The following SMIM13 variants were observed in gnomAD, a reference collection of about 807,000 sequenced individuals.
SMIM13 encodes the protein UPF0766 protein C6orf228.
Under a neutral mutation model 5.9 loss-of-function variants are expected in SMIM13, and 3 were observed. The observed-to-expected ratio is 0.51, with a 90% CI of 0.23 to 1.31. The LOEUF is 1.31. SMIM13 is among the 40% of genes most tolerant of loss of function. SMIM13 has a pLI of 0.18. For missense variants in SMIM13, 85 were observed against 109.9 expected (o/e 0.77, Z 1.01); for synonymous variants, 55 against 46.0 (o/e 1.19, Z -0.79).
chr6:11,122,952 T>TA (rs1378072269), intron 1 of SMIM13, among the ~76,000 whole-genome samples: 2 of 152,114 alleles, frequency 1.3e-5, no homozygotes, highest in East Asian at 3.8e-4. Flanking sequence ...CTCACACCTG[T>TA]AATCCCAGCA....
In SMIM13 at chr6:11,135,325, G is replaced by C. The variant is rs933354304; in HGVS notation, c.*723G>C. 6.6e-6 allele frequency: 1 copy of C among 152,570 alleles called. No homozygotes were observed. The highest frequency in any genetic ancestry group is 2.4e-5 in the African/African-American group (1 of 41,426). 9.5% of individuals were successfully genotyped at this position (152,570 alleles called of 1,614,324 possible). ...GAAAGGTAGGTACCCACAAGTAGAT[G>C]AAGCTGTACTACGTTTCGTCAGTGA... On this transcript the variant is annotated 3_prime_UTR_variant, in exon 2 of 2. Coordinates refer to ENST00000416247, the MANE Select transcript of SMIM13 (RefSeq NM_001135575.2).
chr6:11,118,386 T>A (rs1217351863), intron 1 of SMIM13, among the ~76,000 whole-genome samples: 1 of 152,206 alleles, frequency 6.6e-6, no homozygotes, highest in Non-Finnish European at 1.5e-5. Context: ...ATGAATCAAT[T>A]GGTCAAATTA....
intron 1 of SMIM13, among the ~76,000 whole-genome samples, chr6:11,095,094 G>A (rs960527174): frequency 6.6e-6 from 1 of 152,122 alleles, no homozygotes; most frequent in Non-Finnish European, 1.5e-5. Flanking sequence ...ATAACCACAG[G>A]TCTCTTAGCA....
At chr6:11,104,556 G>A (rs1440658388) in intron 1 of SMIM13, 7 of 1,601,122 alleles carry the variant, frequency 4.4e-6, no homozygotes. Flanking sequence ...TTGGACGCAG[G>A]GTGTTTGGCT....
At chr6:11,118,897 A>G (rs888630959) in intron 1 of SMIM13, among the ~76,000 whole-genome samples, 3 of 152,240 alleles carry the variant, frequency 2.0e-5, no homozygotes, top group African/African-American at 7.2e-5. Context: ...ATAGAACAGG[A>G]AACTGAAGCA....
Position 11,094,112 on chromosome 6 carries a change from C to G in SMIM13, c.-202C>G, listed in dbSNP as rs1453051092. The G allele has an allele frequency of 1.3e-5, 2 of 152,946 alleles. No individual in the cohort carries two copies. The highest frequency in any genetic ancestry group is 1.3e-4 in the Admixed American group (2 of 15,260). The allele number at this position is 152,946 out of a possible 1,614,324, so 9.5% of individuals were successfully genotyped here. On this transcript the variant is annotated 5_prime_UTR_variant, in exon 1 of 2. In the 5' UTR this introduces an upstream ATG that the reference lacks. Coordinates refer to ENST00000416247, the MANE Select transcript of SMIM13 (RefSeq NM_001135575.2). ...CTGGCCACCCCGGCGGGAAAAGGATCGGGCGGGCGGGCGGTCCCACAGTGC... is the reference window on the plus strand; with the variant it reads ...CTGGCCACCCCGGCGGGAAAAGGATGGGGCGGGCGGGCGGTCCCACAGTGC...
chr6:11,109,005 A>T, intron 1 of SMIM13, among the ~76,000 whole-genome samples: 1 of 152,172 alleles, frequency 6.6e-6, no homozygotes. Context: ...ATAGAGGAAC[A>T]TGTGGGTCCT....
intron 1 of SMIM13, among the ~76,000 whole-genome samples, chr6:11,096,334 C>T (rs779941914): frequency 1.5e-4 from 23 of 152,274 alleles, no homozygotes; most frequent in Admixed American, 1.2e-3. Flanking sequence ...TCTGGTATGT[C>T]GCTGATCAGA....
intron 1 of SMIM13, among the ~76,000 whole-genome samples, chr6:11,122,900 TC>T (rs949307697): frequency 3.3e-5 from 5 of 151,974 alleles, no homozygotes; most frequent in African/African-American, 1.2e-4. Context: ...TCTACTCCCC[TC>T]TTAAATCTCA....
rs1011677696 is a variant in SMIM13 at position 11,104,984 on chromosome 6, A to G, written c.76+10595A>G. On this transcript the variant is annotated intron_variant, in intron 1 of 1. Transcript: ENST00000416247. ...TGATATTAGTAAAGATGGGTCCGAA[A>G]ATGGGAGGTTTCTGGCGGATATCAG... 3.7e-6 allele frequency: 6 copies of G among 1,614,096 alleles called. No homozygotes were observed. The East Asian group carries it at 6.7e-5, about 18-fold the overall frequency.
chr6:11,128,502 C>T (rs1260607412), intron 1 of SMIM13, among the ~76,000 whole-genome samples: 1 of 152,142 alleles, frequency 6.6e-6, no homozygotes, highest in Non-Finnish European at 1.5e-5. Context: ...AGGGGTAATG[C>T]AAGCATTCCT....
In SMIM13 at chr6:11,118,195, G is replaced by A. The variant is rs1232917115; in HGVS notation, c.77-16208G>A. On this transcript the variant is annotated intron_variant, in intron 1 of 1. Coordinates refer to ENST00000416247, the MANE Select transcript of SMIM13 (RefSeq NM_001135575.2). ...CAGTATATGGTTTGCCTTTGTGAAC[G>A]TCCCATATATAATCAAAAGGAATGT... Among the ~76,000 whole-genome samples, 3 of 152,138 alleles carry A rather than the reference G, an allele frequency of 2.0e-5. No homozygotes were observed. The East Asian group carries it at 5.8e-4, about 29-fold the overall frequency.
chr6:11,106,211 C>T (rs1758080497), intron 1 of SMIM13, among the ~76,000 whole-genome samples: 1 of 152,124 alleles, frequency 6.6e-6, no homozygotes, highest in East Asian at 1.9e-4. Flanking sequence ...ACCTCCTGTG[C>T]CTTTTCAGTC....
chr6:11,103,712 A>T, intron 1 of SMIM13: 1 of 1,551,234 alleles, frequency 6.4e-7, no homozygotes, highest in Non-Finnish European at 8.7e-7. Context: ...GTGACTCTTG[A>T]ATATTGCGAG....
chr6:11,103,584 G>T, intron 1 of SMIM13: 1 of 1,433,994 alleles, frequency 7.0e-7, no homozygotes, highest in South Asian at 1.5e-5. Flanking sequence ...AGCTGTCAGG[G>T]CAGGATGGCT....
intron 1 of SMIM13, among the ~76,000 whole-genome samples, chr6:11,128,805 G>A (rs913764925): frequency 1.3e-5 from 2 of 151,960 alleles, no homozygotes; most frequent in African/African-American, 4.8e-5. Context: ...CCTATGACAG[G>A]ACAGCACTGA....
intron 1 of SMIM13, among the ~76,000 whole-genome samples, chr6:11,100,334 A>G (rs921676534): frequency 6.6e-6 from 1 of 152,224 alleles, no homozygotes; most frequent in African/African-American, 2.4e-5. Flanking sequence ...TACTGGGATT[A>G]TAGGCATGAG....
intron 1 of SMIM13, among the ~76,000 whole-genome samples, chr6:11,101,668 T>G (rs1470720180): frequency 6.6e-6 from 1 of 152,062 alleles, no homozygotes; most frequent in African/African-American, 2.4e-5. Flanking sequence ...CTGTAGGGTG[T>G]CTTTAAACTG....
intron 1 of SMIM13, among the ~76,000 whole-genome samples, chr6:11,117,157 A>ATTTTTTTT (rs1341431576): frequency 4.3e-5 from 5 of 116,930 alleles, no homozygotes; most frequent in South Asian, 5.6e-4. Flanking sequence ...CGCCCGGCTA[A>ATTTTTTTT]TTTTTGTATT....
Sources: allele counts gnomAD v4.1 joint callset (sites outside exome capture counted in the v4.1 genomes callset), GRCh38; gene constraint gnomAD v4.1.1; transcripts MANE v1.5; gene names NCBI Gene and HGNC (gene_info 2026-07-23, HGNC 2026-07-21).